CCNE2: variants seen among roughly 807,000 people sequenced by gnomAD.
CCNE2 encodes G1/S-specific cyclin-E2.
In CCNE2, 18 loss-of-function variants were observed where a neutral mutation model predicts 56.8. The observed-to-expected ratio is 0.32, with a 90% CI of 0.22 to 0.47. The LOEUF (loss-of-function observed/expected upper bound fraction) is 0.47, where lower values mean the gene tolerates loss of function less well. CCNE2 is among the 20% of genes least tolerant of loss of function. CCNE2 has a pLI of 1.00. For synonymous variants in CCNE2, 139 were observed against 149.2 expected, an observed-to-expected ratio of 0.93 and a Z score of 0.50; for missense variants, 371 against 467.1, an observed-to-expected ratio of 0.79 and a Z score of 1.90.
chr8:94,893,772 G>T, intron 4 of CCNE2, 119 bp downstream of exon 4: 1 of 1,036,124 alleles, frequency 9.7e-7, no homozygotes, highest in Non-Finnish European at 1.5e-6. Flanking sequence ...TGACCTCTAG[G>T]GGCATTAAAA....
intron 6 of CCNE2, 26 bp downstream of exon 6, chr8:94,890,389 A>C: frequency 6.5e-7 from 1 of 1,538,730 alleles, no homozygotes; most frequent in African/African-American, 1.4e-5. Flanking sequence ...ACAGAGACAA[A>C]GGAAATTTGT....
chr8:94,893,857 TC>T (rs764699666), intron 4 of CCNE2, 33 bp downstream of exon 4: 3 of 1,573,550 alleles, frequency 1.9e-6, no homozygotes, highest in African/African-American at 1.4e-5. Context: ...CCTCCATTTT[TC>T]CCCCAAACCC....
chr8:94,893,690 G>A, intron 4 of CCNE2: 1 of 591,888 alleles, frequency 1.7e-6, no homozygotes. Flanking sequence ...CCAGCTGCTT[G>A]AAGGCACTTA....
chr8:94,887,023 A>C (rs1212203229), intron 7 of CCNE2, among the ~76,000 whole-genome samples: 1 of 152,204 alleles, frequency 6.6e-6, no homozygotes, highest in Non-Finnish European at 1.5e-5. Flanking sequence ...TTAAAAGAAA[A>C]AGGAAAACAC....
At chr8:94,882,744 G>T in intron 10 of CCNE2, 37 bp downstream of exon 10, 1 of 1,361,478 alleles carries the variant, frequency 7.3e-7, no homozygotes, top group Non-Finnish European at 1.0e-6. Flanking sequence ...ATTAGAAGTT[G>T]TGAAAAGGTA....
intron 6 of CCNE2, among the ~76,000 whole-genome samples, 180 bp downstream of exon 6, chr8:94,890,235 G>A (rs1817179198): frequency 6.6e-6 from 1 of 152,156 alleles, no homozygotes; most frequent in African/African-American, 2.4e-5. Context: ...GCTTTGTCAT[G>A]GTTTTACTCT....
intron 7 of CCNE2, 57 bp from the exon 8 acceptor site, chr8:94,885,615 T>A: frequency 9.3e-7 from 1 of 1,073,658 alleles, no homozygotes; most frequent in Non-Finnish European, 1.4e-6. Flanking sequence ...ATTACAAATG[T>A]TCCTCAGTCT....
At chr8:94,882,478 G>C (rs1816860299) in intron 10 of CCNE2, among the ~76,000 whole-genome samples, 189 bp from the exon 11 acceptor site, 1 of 152,170 alleles carries the variant, frequency 6.6e-6, no homozygotes, top group East Asian at 1.9e-4. Context: ...AAGGGAAAAA[G>C]GACTTCAGAA....
rs759882130 is a variant in CCNE2 at position 94,885,420 on chromosome 8, C to T, written c.696+43G>A. On this transcript the variant is annotated intron_variant, in intron 8 of 11. Coordinates refer to ENST00000308108, the MANE Select transcript of CCNE2 (RefSeq NM_057749.3). ...TATAACTACTTATGTTACTTAGTAACATGGTTTCTTTTTTGCAACTAGGAA... is the reference window on the plus strand; with the variant it reads ...TATAACTACTTATGTTACTTAGTAATATGGTTTCTTTTTTGCAACTAGGAA... The T allele has an allele frequency of 4.8e-6, 6 of 1,261,182 alleles. No homozygotes were observed. The Admixed American group carries it at 1.2e-4, about 26-fold the overall frequency. The allele number at this position is 1,261,182 out of a possible 1,614,324, so 78.1% of individuals were successfully genotyped here. A position where few individuals can be genotyped will look rare whatever the true frequency, so the allele number is the denominator to read the frequency against.
At chr8:94,894,429 T>C (rs549732557) in intron 1 of CCNE2, 182 bp from the exon 2 acceptor site, 101 of 608,012 alleles carry the variant, frequency 1.7e-4, no homozygotes, top group Non-Finnish European at 2.6e-4. Context: ...GATACAAGCC[T>C]GCATTTCCTC....
At position 94,880,828 on chromosome 8, in the gene CCNE2, G is replaced by GA. The variant is rs1045400008; in HGVS notation, c.*803dup. On this transcript the variant is annotated 3_prime_UTR_variant, in exon 12 of 12. Transcript: ENST00000308108. ...AGTGACTTCCTCATATAAATAGTTT[G>GA]AAAGGGTACTTAAGTTTTTCACCCA... 10 of 398,428 alleles carry GA rather than the reference G, an allele frequency of 2.5e-5. No individual in the cohort carries two copies. Among genetic ancestry groups the GA allele is most frequent in the Non-Finnish European group, 3.5e-5 (8 of 225,808 alleles). The allele number at this position is 398,428 out of a possible 1,614,324, so 24.7% of individuals were successfully genotyped here.
chr8:94,888,013 T>C lies in CCNE2; in HGVS notation c.514A>G (p.Arg172Gly). The C allele has an allele frequency of 6.3e-7, 1 of 1,596,564 alleles. No homozygotes were observed. Among genetic ancestry groups the C allele is most frequent in the East Asian group, 2.3e-5 (1 of 44,148 alleles). ...ATATCCTTTTGTGTCAACATAAATC[T>C]ATCAAAAAAGTCTTGTGCAAGATAA... ...TFYLAQDFFD[R>G]FMLTQKDINK... Residue 172 changes from arginine to glycine, a missense_variant, in exon 7 of 12, where the codon AGA (arginine) becomes GGA (glycine). By Grantham distance (125) the Arg-to-Gly change is moderately radical. Transcript: ENST00000308108.
At chr8:94,891,673 A>AC in intron 5 of CCNE2, 1 of 535,502 alleles carries the variant, frequency 1.9e-6, no homozygotes, top group Admixed American at 3.2e-5. Flanking sequence ...AAAAAAAAAA[A>AC]AAAAAAACAC....
At position 94,885,221 on chromosome 8, in the gene CCNE2, A is replaced by C. The variant is rs1233773158; in HGVS notation, c.697-20T>G. The C allele has an allele frequency of 1.2e-6, 2 of 1,609,206 alleles. No homozygotes were observed. The highest frequency in any genetic ancestry group is 1.3e-5 in the African/African-American group (1 of 74,756). On this transcript the variant is annotated intron_variant, in intron 8 of 11. Coordinates refer to ENST00000308108, the MANE Select transcript of CCNE2 (RefSeq NM_057749.3). The stretch of plus-strand genomic sequence containing the variant: ...TAAAGCCTATTAAACAAAATTTAAA[A>C]ATGCCTGTTAATGAATGTAGACACA...
intron 6 of CCNE2, among the ~76,000 whole-genome samples, chr8:94,889,025 G>A: frequency 6.6e-6 from 1 of 152,088 alleles, no homozygotes; most frequent in East Asian, 1.9e-4. Context: ...GCCTGCGCCT[G>A]TAATCCCAGC....
rs534537338 is a variant in CCNE2 at position 94,882,029 on chromosome 8, C to G, written c.1101+103G>C. ...AAATCAGTGTGCCCCTTAGAACTTT[C>G]TTTCCCCTGAAACTGCCTGAAGGAG... is the stretch of plus-strand genomic sequence containing the variant. On this transcript the variant is annotated intron_variant, in intron 11 of 11. Transcript: ENST00000308108. 3.6e-4 allele frequency: 426 copies of G among 1,182,418 alleles called. 13 individuals are homozygous for G. The South Asian group carries it at 5.5e-3, about 15-fold the overall frequency. The allele number at this position is 1,182,418 out of a possible 1,614,324, so 73.2% of individuals were successfully genotyped here.
intron 5 of CCNE2, 35 bp from the exon 6 acceptor site, chr8:94,890,585 ATATATATTTTTT>A: frequency 1.7e-6 from 1 of 585,674 alleles, no homozygotes; most frequent in Non-Finnish European, 2.1e-6. Flanking sequence ...ATATATATAT[ATATATATTTTTT>A]TTTTTTTTTT....
intron 11 of CCNE2, 170 bp from the exon 12 acceptor site, chr8:94,881,915 CTT>C (rs1324365996): frequency 2.2e-6 from 2 of 899,318 alleles, no homozygotes; most frequent in Non-Finnish European, 3.3e-6. Context: ...TTTTTAAACT[CTT>C]TATCTAGACT....
At chr8:94,894,345 T>A in intron 1 of CCNE2, 98 bp from the exon 2 acceptor site, 1 of 1,192,816 alleles carries the variant, frequency 8.4e-7, no homozygotes, top group African/African-American at 1.5e-5. Context: ...GCTCAGTCCC[T>A]CCGAAGGGGG....
Sources: allele counts gnomAD v4.1 joint callset (sites outside exome capture counted in the v4.1 genomes callset), GRCh38; gene constraint gnomAD v4.1.1; transcripts MANE v1.5; gene names NCBI Gene and HGNC (gene_info 2026-07-23, HGNC 2026-07-21).